Variants in ARL6IP6 observed in about 807,000 individuals in gnomAD.
The protein encoded by ARL6IP6 is ARF like GTPase 6 interacting protein 6, also known as ADP-ribosylation factor-like protein 6-interacting protein 6.
In ARL6IP6, 22 loss-of-function variants were observed where a neutral mutation model predicts 21.5. The observed-to-expected ratio is 1.02, with a 90% confidence interval of 0.73 to 1.46. The LOEUF (loss-of-function observed/expected upper bound fraction) is 1.46. ARL6IP6 is among the 40% of genes most tolerant of loss of function. ARL6IP6 has a pLI of 0.00. For synonymous variants in ARL6IP6, 164 were observed against 125.3 expected, an observed-to-expected ratio of 1.31 and a Z score of -2.06; for missense variants, 388 against 299.8, an observed-to-expected ratio of 1.29 and a Z score of -2.17.
intron 2 of ARL6IP6, among the ~76,000 whole-genome samples, chr2:152,728,925 G>C (rs1700170508): frequency 6.6e-6 from 1 of 152,044 alleles, no homozygotes; most frequent in Non-Finnish European, 1.5e-5. Context: ...TGAATGTGGT[G>C]GTGCACACCT....
intron 3 of ARL6IP6, among the ~76,000 whole-genome samples, chr2:152,749,158 T>C (rs1272878080): frequency 6.6e-6 from 1 of 152,070 alleles, no homozygotes; most frequent in Non-Finnish European, 1.5e-5. Flanking sequence ...ACTTTGCAAG[T>C]TACTATTTAA....
intron 3 of ARL6IP6, among the ~76,000 whole-genome samples, chr2:152,753,854 G>A (rs537750892): frequency 5.3e-5 from 8 of 151,810 alleles, no homozygotes; most frequent in East Asian, 3.9e-4. Context: ...TCGCCACCAC[G>A]CCACGCCCAG....
At chr2:152,748,289 G>A (rs1379555000) in intron 3 of ARL6IP6, among the ~76,000 whole-genome samples, 1 of 152,160 alleles carries the variant, frequency 6.6e-6, no homozygotes, top group African/African-American at 2.4e-5. Flanking sequence ...TAATTTTTAG[G>A]ACAAAAGGAT....
rs774020654 is a variant in ARL6IP6 at position 152,718,894 on chromosome 2, C to A, written c.270C>A (p.Ile90=). 1 of 1,613,812 alleles carries A rather than the reference C, an allele frequency of 6.2e-7. No homozygotes were observed. The highest frequency in any genetic ancestry group is 1.3e-5 in the African/African-American group (1 of 74,930). Residue 90 remains isoleucine (I), a synonymous_variant, in exon 1 of 4, where the codon ATC becomes ATA. Coordinates refer to ENST00000326446, the MANE Select transcript of ARL6IP6 (RefSeq NM_152522.7). ...TTCTGCCCGATAAGCGCAATGGTAT[C>A]TTTCCCGCGGCCGCGGGCAGCAGAG... ...SPVLPDKRNG[I]FPAAAGSRAQ...
chr2:152,733,162 T>A (rs1700401278), intron 2 of ARL6IP6, among the ~76,000 whole-genome samples: 1 of 152,220 alleles, frequency 6.6e-6, no homozygotes, highest in Non-Finnish European at 1.5e-5. Flanking sequence ...GGATCTAACT[T>A]CTTTTCCTTT....
chr2:152,755,588 C>T (rs1032021278), intron 3 of ARL6IP6, among the ~76,000 whole-genome samples: 2 of 152,218 alleles, frequency 1.3e-5, no homozygotes, highest in Non-Finnish European at 2.9e-5. Context: ...TCTCTCTCTG[C>T]CTTGGCTGCC....
chr2:152,741,217 TAATC>T (rs1034099829), intron 3 of ARL6IP6, among the ~76,000 whole-genome samples: 71 of 152,188 alleles, frequency 4.7e-4, no homozygotes, highest in Admixed American at 4.6e-4. Flanking sequence ...AAAATGGAAA[TAATC>T]AAGGAAAATT....
chr2:152,749,314 A>AAAACAC (rs1701206417), intron 3 of ARL6IP6, among the ~76,000 whole-genome samples: 1 of 150,120 alleles, frequency 6.7e-6, no homozygotes, highest in Non-Finnish European at 1.5e-5. Flanking sequence ...CACACACAAA[A>AAAACAC]ACACACACAC....
At chr2:152,719,277 C>T (rs111244847) in intron 1 of ARL6IP6, among the ~76,000 whole-genome samples, 2,407 of 152,246 alleles carry the variant, frequency 0.016, 28 homozygotes, top group Non-Finnish European at 0.023. Context: ...GAAGAAATAT[C>T]TTCAAGTCCT....
intron 3 of ARL6IP6, among the ~76,000 whole-genome samples, chr2:152,758,528 A>G (rs924718192): frequency 6.6e-6 from 1 of 152,124 alleles, no homozygotes; most frequent in African/African-American, 2.4e-5. Flanking sequence ...CTATTTTACG[A>G]TGTAGATAGG....
At chr2:152,737,151 C>T (rs1700589889) in intron 3 of ARL6IP6, among the ~76,000 whole-genome samples, 1 of 152,208 alleles carries the variant, frequency 6.6e-6, no homozygotes, top group Non-Finnish European at 1.5e-5. Flanking sequence ...TTCCCTACTG[C>T]ACCCTATATT....
chr2:152,725,412 T>G (rs1472520382), intron 2 of ARL6IP6, among the ~76,000 whole-genome samples: 1 of 152,176 alleles, frequency 6.6e-6, no homozygotes, highest in Non-Finnish European at 1.5e-5. Flanking sequence ...TGCATCCTAA[T>G]TTATTTGATA....
At chr2:152,721,727 A>C (rs569182798) in intron 2 of ARL6IP6, among the ~76,000 whole-genome samples, 33 of 152,322 alleles carry the variant, frequency 2.2e-4, no homozygotes, top group Admixed American at 3.9e-4. Flanking sequence ...TAAACTCTCT[A>C]ATCTACCACT....
chr2:152,753,486 T>A (rs1434937518), intron 3 of ARL6IP6, among the ~76,000 whole-genome samples: 2 of 152,200 alleles, frequency 1.3e-5, no homozygotes, highest in Non-Finnish European at 2.9e-5. Context: ...GGTTATGATT[T>A]GAAATTTTAG....
In ARL6IP6 at chr2:152,749,314, A is replaced by ACACAC. The variant is rs1701206001; in HGVS notation, c.588-10433_588-10432insCACAC. On this transcript the variant is annotated intron_variant, in intron 3 of 3. Coordinates refer to ENST00000326446, the MANE Select transcript of ARL6IP6 (RefSeq NM_152522.7). ...TATCAAGCAGAAACACACACACAAA[A>ACACAC]ACACACACACACACACACACACGCA... is the stretch of plus-strand genomic sequence containing the variant. 1.5e-3 allele frequency among the ~76,000 whole-genome samples: 224 copies of ACACAC among 150,232 alleles called. 1 individual carries two copies. The highest frequency in any genetic ancestry group is 0.01 in the Middle Eastern group (3 of 294).
chr2:152,739,265 G>A (rs971038759), intron 3 of ARL6IP6, among the ~76,000 whole-genome samples: 33 of 152,216 alleles, frequency 2.2e-4, no homozygotes, highest in Admixed American at 1.7e-3. Context: ...GATTACAGGC[G>A]TGAGCCACCG....
intron 2 of ARL6IP6, 71 bp downstream of exon 2, chr2:152,720,657 C>T (rs1179514989): frequency 1.5e-6 from 2 of 1,339,440 alleles, no homozygotes; most frequent in African/African-American, 1.5e-5. Flanking sequence ...TTTGAACTAA[C>T]TCTGGGATAA....
chr2:152,733,151 T>A (rs187804288), intron 2 of ARL6IP6, among the ~76,000 whole-genome samples: 1 of 152,226 alleles, frequency 6.6e-6, no homozygotes, highest in African/African-American at 2.4e-5. Flanking sequence ...GTATCTGGTA[T>A]GGATCTAACT....
rs758570003 is a variant in ARL6IP6 at position 152,718,919 on chromosome 2, G to A, written c.295G>A (p.Ala99Thr). The change falls in exon 1 of 4, where the codon GCC becomes ACC. Residue 99 changes from alanine (A) to threonine (T), a missense_variant. By Grantham distance (58) the Ala-to-Thr change is moderately conservative. Transcript: ENST00000326446. The stretch of plus-strand genomic sequence containing the variant: ...CTTTCCCGCGGCCGCGGGCAGCAGA[G>A]CCCAGCCTCGGCGGTGGCCGGTCCA... ...GIFPAAAGSR[A>T]QPRRWPVQVL... 4.3e-6 allele frequency: 7 copies of A among 1,613,908 alleles called. No homozygotes were observed. The Admixed American group carries it at 6.7e-5, about 15-fold the overall frequency.
Sources: gnomAD v4.1 joint callset for allele counts (sites outside exome capture counted in the v4.1 genomes callset) on GRCh38, gnomAD v4.1.1 for gene constraint, MANE v1.5 for transcripts, NCBI Gene and HGNC (gene_info 2026-07-23, HGNC 2026-07-21) for gene names.